Variants in BRWD1 observed in about 807,000 individuals in gnomAD.
The protein encoded by BRWD1 is bromodomain and WD repeat-containing protein 1.
In BRWD1, 82 loss-of-function variants were observed where a neutral mutation model predicts 251.2. The ratio of observed to expected loss-of-function variants is 0.33; its 90% CI spans 0.27 to 0.39. BRWD1 has a LOEUF of 0.39. BRWD1 is among the 10% of genes least tolerant of loss of function. BRWD1 has a pLI of 1.00. For missense variants in BRWD1, 2,233 were observed against 2,711.6 expected (o/e 0.82, Z 3.92); for synonymous variants, 918 against 902.8 (o/e 1.02, Z -0.30).
chr21:39,270,820 G>C (rs1401483992), intron 13 of BRWD1, among the ~76,000 whole-genome samples: 1 of 152,134 alleles, frequency 6.6e-6, no homozygotes, highest in East Asian at 1.9e-4. Flanking sequence ...CAAAAATAAG[G>C]TAATTCATAT....
At position 39,187,123 on chromosome 21, in the gene BRWD1, G is replaced by GT. The variant is rs766623078; in HGVS notation, c.*9135dup. On this transcript the variant is annotated 3_prime_UTR_variant, in exon 41 of 41. Coordinates refer to ENST00000342449, the MANE Select transcript of BRWD1 (RefSeq NM_033656.4). ...TTTTTCACTTTCAGAATTTATGGTT[G>GT]TATCATCCTCTTTATAAACATTCAG... 24 of 1,612,006 alleles carry GT rather than the reference G, an allele frequency of 1.5e-5. No individual in the cohort carries two copies. Among genetic ancestry groups the GT allele is most frequent in the Non-Finnish European group, 1.7e-5 (20 of 1,179,450 alleles).
At position 39,190,607 on chromosome 21, in the gene BRWD1, G is replaced by A. The variant is rs938161306; in HGVS notation, c.*5652C>T. Reference sequence around the variant, plus strand: ...TCCTCTGTCTGCCCTTCATTGATAAGCAATGAAATGACCCCAAAACTCAGA... The same window carrying A: ...TCCTCTGTCTGCCCTTCATTGATAAACAATGAAATGACCCCAAAACTCAGA... On this transcript the variant is annotated 3_prime_UTR_variant, in exon 41 of 41. Coordinates refer to ENST00000342449, the MANE Select transcript of BRWD1 (RefSeq NM_033656.4). The A allele has an allele frequency of 1.4e-5, 14 of 984,928 alleles. No homozygotes were observed. The highest frequency in any genetic ancestry group is 1.7e-5 in the African/African-American group (1 of 57,198). 61.0% of individuals were successfully genotyped at this position (984,928 alleles called of 1,614,324 possible). A position where few individuals can be genotyped will look rare whatever the true frequency, so the allele number is the denominator to read the frequency against.
chr21:39,313,324 C>A, intron 1 of BRWD1, 25 bp from the exon 2 acceptor site: 1 of 1,524,170 alleles, frequency 6.6e-7, no homozygotes, highest in Non-Finnish European at 8.9e-7. Flanking sequence ...GGAGTCAGGT[C>A]AAGCCCCGGC....
intron 21 of BRWD1, 62 bp from the exon 22 acceptor site, chr21:39,238,635 A>C (rs2033892115): frequency 2.7e-6 from 3 of 1,124,998 alleles, no homozygotes; most frequent in South Asian, 1.3e-5. Flanking sequence ...ATGTCCAGAA[A>C]AAAGCTGTAC....
upstream of BRWD1, chr21:39,315,021 G>A (rs1190093341): frequency 6.6e-6 from 1 of 152,108 alleles, no homozygotes; most frequent in Non-Finnish European, 1.5e-5. Flanking sequence ...TATTTATTTT[G>A]AGACAGGGTC....
At chr21:39,245,976 GATT>G (rs1465365364) in intron 21 of BRWD1, among the ~76,000 whole-genome samples, 1 of 151,988 alleles carries the variant, frequency 6.6e-6, no homozygotes, top group Non-Finnish European at 1.5e-5. Context: ...GCTTACATAT[GATT>G]ATTAAAAATC....
chr21:39,315,641 A>AG (rs939157961), upstream of BRWD1: 1 of 152,094 alleles, frequency 6.6e-6, no homozygotes, highest in African/African-American at 2.4e-5. Flanking sequence ...CTCCAAAAAA[A>AG]AAAAGCTATT....
In BRWD1 at chr21:39,255,707, TTC is replaced by T. The variant is rs1216359110; in HGVS notation, c.2191_2192del (p.Glu731ThrfsTer2). ...QNAPRSQIAT[E>X]RDLQAWKRRV... ...TTCGTTTCCAAGCCTGCAGGTCACG[TTC>T]TGTAGCAATCTGACTGCGTGGAGCG... On this transcript the variant is annotated frameshift_variant, in exon 19 of 41. Coordinates refer to ENST00000342449, the MANE Select transcript of BRWD1 (RefSeq NM_033656.4). LOFTEE classifies it high-confidence loss of function. The T allele has an allele frequency of 6.2e-7, 1 of 1,614,068 alleles. No homozygotes were observed. The highest frequency in any genetic ancestry group is 1.3e-5 in the African/African-American group (1 of 74,938).
At chr21:39,210,208 G>A in intron 35 of BRWD1, 61 bp from the exon 36 acceptor site, 1 of 1,352,094 alleles carries the variant, frequency 7.4e-7, no homozygotes, top group Non-Finnish European at 1.0e-6. Context: ...AAATGTAAAT[G>A]CATCAGATCT....
At position 39,194,415 on chromosome 21, in the gene BRWD1, A is replaced by T. The variant is rs2031705851; in HGVS notation, c.*1844T>A. 4 of 1,209,540 alleles carry T rather than the reference A, an allele frequency of 3.3e-6. No individual in the cohort carries two copies. In the South Asian group the frequency reaches 1.1e-4, roughly 34 times the overall value. 74.9% of individuals were successfully genotyped at this position (1,209,540 alleles called of 1,614,324 possible). ...AAATTAGCAAAGTAAAAGGCATCCC[A>T]TTAGTCTTTTCAGTCTTAGTCAAGG... On this transcript the variant is annotated 3_prime_UTR_variant, in exon 41 of 41. Coordinates refer to ENST00000342449, the MANE Select transcript of BRWD1 (RefSeq NM_033656.4).
At chr21:39,213,602 T>G (rs778685776) in intron 32 of BRWD1, 49 bp from the exon 33 acceptor site, 2 of 1,256,492 alleles carry the variant, frequency 1.6e-6, no homozygotes, top group Non-Finnish European at 2.3e-6. Context: ...AGTGACTTGT[T>G]GGCAAGGATT....
chr21:39,210,452 T>C (rs1316243606), intron 35 of BRWD1, among the ~76,000 whole-genome samples: 1 of 152,182 alleles, frequency 6.6e-6, no homozygotes, highest in East Asian at 1.9e-4. Flanking sequence ...AAGTCATCTT[T>C]CAATTTCCCT....
chr21:39,210,220 T>C, intron 35 of BRWD1, 73 bp from the exon 36 acceptor site: 3 of 1,272,278 alleles, frequency 2.4e-6, no homozygotes, highest in Non-Finnish European at 3.3e-6. Flanking sequence ...ATCAGATCTC[T>C]AAAAAATGTG....
intron 18 of BRWD1, among the ~76,000 whole-genome samples, chr21:39,257,107 C>G (rs926403590): frequency 2.0e-5 from 3 of 151,144 alleles, no homozygotes; most frequent in African/African-American, 7.3e-5. Context: ...TTTATCACAT[C>G]ACTTATAACA....
intron 23 of BRWD1, chr21:39,235,605 A>G (rs563828664): frequency 9.0e-6 from 2 of 222,328 alleles, no homozygotes; most frequent in Non-Finnish European, 2.0e-5. Context: ...ATCGGCTCCA[A>G]GTATCAGGTC....
chr21:39,255,954 A>G, intron 18 of BRWD1, 126 bp from the exon 19 acceptor site: 3 of 842,564 alleles, frequency 3.6e-6, no homozygotes, highest in Admixed American at 2.9e-5. Context: ...GATAGTATCT[A>G]CTGAAAAAAC....
chr21:39,255,236 C>A (rs1314154463), intron 19 of BRWD1, among the ~76,000 whole-genome samples: 1 of 151,840 alleles, frequency 6.6e-6, no homozygotes, highest in African/African-American at 2.4e-5. Flanking sequence ...CATGGTGAAA[C>A]CCTGTCTCTA....
chr21:39,258,345 C>T (rs1601402040), intron 18 of BRWD1, 142 bp downstream of exon 18: 2 of 660,276 alleles, frequency 3.0e-6, no homozygotes, highest in East Asian at 5.9e-5. Context: ...CCTCATAAAG[C>T]TACCTTCAGA....
At chr21:39,237,003 G>A (rs1044092552) in intron 22 of BRWD1, among the ~76,000 whole-genome samples, 4 of 151,704 alleles carry the variant, frequency 2.6e-5, no homozygotes, top group Non-Finnish European at 4.4e-5. Context: ...ACTAACACTA[G>A]AAATTAGGAA....
Sources: gnomAD v4.1 joint callset for allele counts (sites outside exome capture counted in the v4.1 genomes callset) on GRCh38, gnomAD v4.1.1 for gene constraint, MANE v1.5 for transcripts, NCBI Gene and HGNC (gene_info 2026-07-23, HGNC 2026-07-21) for gene names.